Variants in ARSB observed in about 807,000 individuals in gnomAD.
The protein encoded by ARSB is arylsulfatase B.
Under a neutral mutation model 50.9 loss-of-function variants are expected in ARSB, and 41 were observed. The observed-to-expected ratio is 0.81, with a 90% CI of 0.63 to 1.04. The LOEUF is 1.04. ARSB is among the 50% of genes least tolerant of loss of function. The pLI, the probability that ARSB is intolerant of heterozygous loss-of-function variation, is 0.00. For synonymous variants in ARSB, 269 were observed against 284.8 expected (o/e 0.94, Z 0.56); for missense variants, 672 against 693.3 (o/e 0.97, Z 0.35).
chr5:78,970,152 A>G (rs745678827), intron 1 of ARSB, among the ~76,000 whole-genome samples: 3 of 150,358 alleles, frequency 2.0e-5, no homozygotes, highest in Non-Finnish European at 4.4e-5. Flanking sequence ...ACCCACAATT[A>G]TATGAAAAGG....
chr5:78,928,418 C>A (rs561001019), intron 4 of ARSB, among the ~76,000 whole-genome samples: 2 of 137,428 alleles, frequency 1.5e-5, no homozygotes, highest in African/African-American at 5.4e-5. Context: ...CAGGTTCAAG[C>A]GATTCTCCTG....
intron 4 of ARSB, among the ~76,000 whole-genome samples, chr5:78,944,505 C>T (rs1008661081): frequency 3.3e-5 from 5 of 152,294 alleles, no homozygotes; most frequent in Middle Eastern, 3.4e-3. Context: ...CAGTCAGGAC[C>T]GTCAGCTGCA....
chr5:78,969,089 G>A lies in ARSB; in HGVS notation c.416C>T (p.Thr139Ile), dbSNP rs751726809. Reference protein sequence around the residue: ...LPQLLKEAGYTTHMVGKWHLG... With the variant: ...LPQLLKEAGYITHMVGKWHLG... ...GTGCCATTTTCCGACCATATGGGTAGTATAACCTGCTTCTTTTAGGAGCTG... is the reference window on the plus strand; with the variant it reads ...GTGCCATTTTCCGACCATATGGGTAATATAACCTGCTTCTTTTAGGAGCTG... The change falls in exon 2 of 8, where the codon ACT (threonine) becomes ATT (isoleucine). Residue 139 changes from threonine to isoleucine, a missense_variant. Coordinates refer to ENST00000264914, the MANE Select transcript of ARSB (RefSeq NM_000046.5). 9.3e-6 allele frequency: 15 copies of A among 1,614,212 alleles called. No individual in the cohort carries two copies. Among genetic ancestry groups the A allele is most frequent in the Non-Finnish European group, 1.3e-5 (15 of 1,180,046 alleles).
chr5:78,885,511 C>T (rs1327726603), intron 5 of ARSB, 73 bp downstream of exon 5: 2 of 1,574,148 alleles, frequency 1.3e-6, no homozygotes, highest in African/African-American at 1.4e-5. Context: ...CAAAAGCTAT[C>T]ATTCTTGCTC....
intron 4 of ARSB, among the ~76,000 whole-genome samples, chr5:78,889,891 A>G (rs1338038965): frequency 6.6e-6 from 1 of 152,162 alleles, no homozygotes; most frequent in Non-Finnish European, 1.5e-5. Flanking sequence ...GGCTTACCCT[A>G]GTCATCCTTC....
intron 5 of ARSB, among the ~76,000 whole-genome samples, chr5:78,867,036 C>T (rs535609392): frequency 0.031 from 4,672 of 152,214 alleles, 226 homozygotes; most frequent in African/African-American, 0.1. Flanking sequence ...GTTCCCTTTC[C>T]GAGTCAAAGA....
At chr5:78,788,791 T>C (rs1200997410) in intron 6 of ARSB, among the ~76,000 whole-genome samples, 3 of 151,980 alleles carry the variant, frequency 2.0e-5, no homozygotes, top group African/African-American at 4.8e-5. Flanking sequence ...AGAAAAAAAA[T>C]TTTTAAAGAG....
At chr5:78,944,110 C>T (rs1380203437) in intron 4 of ARSB, among the ~76,000 whole-genome samples, 1 of 152,202 alleles carries the variant, frequency 6.6e-6, no homozygotes, top group Non-Finnish European at 1.5e-5. Flanking sequence ...AGTTCTCGTG[C>T]CGTGGTTTTC....
rs758841265 is a variant in ARSB, at chr5:78,955,328, G to A, written c.865C>T (p.Leu289Phe). Residue 289 changes from leucine (L) to phenylalanine (F), a missense_variant, in exon 4 of 8, where the codon CTC becomes TTC. Transcript: ENST00000264914. ...NVTAALKSSG[L>F]WNNTVFIFST... The stretch of plus-strand genomic sequence containing the variant: ...AAGATGAACACCGTGTTGTTCCAGA[G>A]CCCACTGCTTTTTAAAGCTGCAGTG... 6.2e-7 allele frequency: 1 copy of A among 1,614,140 alleles called. No homozygotes were observed. Among genetic ancestry groups the A allele is most frequent in the South Asian group, 1.1e-5 (1 of 91,076 alleles).
chr5:78,904,685 C>CTTTTTTTTTTTT (rs55920994), intron 4 of ARSB, among the ~76,000 whole-genome samples: 1 of 98,930 alleles, frequency 1.0e-5, no homozygotes. Flanking sequence ...TTCTTTCTTT[C>CTTTTTTTTTTTT]TTTTTTTTTT....
In ARSB at chr5:78,846,960, G is replaced by T. The variant is rs180897588; in HGVS notation, c.1143-7534C>A. On this transcript the variant is annotated intron_variant, in intron 5 of 7. Coordinates refer to ENST00000264914, the MANE Select transcript of ARSB (RefSeq NM_000046.5). ...ATTAGTTGAGTGTTTTGATTATGAA[G>T]CGATGTTGAATTGTATCAAATCCTT... 6.0e-3 allele frequency among the ~76,000 whole-genome samples: 911 copies of T among 152,136 alleles called. 8 individuals carry two copies. Among genetic ancestry groups the T allele is most frequent in the Non-Finnish European group, 7.3e-3 (498 of 67,984 alleles).
intron 1 of ARSB, among the ~76,000 whole-genome samples, chr5:78,977,076 C>G (rs985108629): frequency 6.6e-6 from 1 of 152,222 alleles, no homozygotes; most frequent in Non-Finnish European, 1.5e-5. Flanking sequence ...GTCAAGATCA[C>G]TTGACCTACT....
intron 2 of ARSB, among the ~76,000 whole-genome samples, chr5:78,965,338 A>G (rs1242992526): frequency 1.3e-5 from 2 of 152,086 alleles, no homozygotes; most frequent in African/African-American, 2.4e-5. Flanking sequence ...ATTTTAAAAT[A>G]TTATATTTCT....
chr5:78,916,463 G>A (rs189562892), intron 4 of ARSB, among the ~76,000 whole-genome samples: 20 of 152,258 alleles, frequency 1.3e-4, no homozygotes, highest in South Asian at 6.2e-4. Flanking sequence ...GAAAATGCAC[G>A]TAGAACAAGA....
At chr5:78,983,759 T>G (rs896421696) in intron 1 of ARSB, among the ~76,000 whole-genome samples, 1 of 152,166 alleles carries the variant, frequency 6.6e-6, no homozygotes, top group African/African-American at 2.4e-5. Context: ...GCGCATATCT[T>G]TATCACAAGT....
intron 1 of ARSB, among the ~76,000 whole-genome samples, chr5:78,976,628 AAAAG>A (rs1278858967): frequency 6.6e-6 from 1 of 152,226 alleles, no homozygotes; most frequent in African/African-American, 2.4e-5. Context: ...CTTTTAAAGA[AAAAG>A]AGAGAATATG....
intron 6 of ARSB, among the ~76,000 whole-genome samples, chr5:78,785,634 T>G (rs995152505): frequency 6.6e-6 from 1 of 152,222 alleles, no homozygotes; most frequent in Non-Finnish European, 1.5e-5. Flanking sequence ...TCTGTCAACA[T>G]GTGTGAGACT....
At chr5:78,783,998 C>CT (rs201826591) in intron 6 of ARSB, among the ~76,000 whole-genome samples, 18 of 151,288 alleles carry the variant, frequency 1.2e-4, no homozygotes, top group Admixed American at 2.6e-4. Context: ...CCATGTTTGC[C>CT]TTTTTTTAAA....
chr5:78,808,299 C>T (rs1050200304), intron 6 of ARSB, among the ~76,000 whole-genome samples: 1 of 151,224 alleles, frequency 6.6e-6, no homozygotes, highest in Non-Finnish European at 1.5e-5. Context: ...AATATTTTGG[C>T]ATATATCCCT....
Sources: gnomAD v4.1 joint callset for allele counts (sites outside exome capture counted in the v4.1 genomes callset) on GRCh38, gnomAD v4.1.1 for gene constraint, MANE v1.5 for transcripts, NCBI Gene and HGNC (gene_info 2026-07-23, HGNC 2026-07-21) for gene names.